The following NAALADL2 variants were observed in gnomAD, a reference collection of about 807,000 sequenced individuals.
NAALADL2 encodes N-acetylated alpha-linked acidic dipeptidase like 2.
Under a neutral mutation model 87.2 loss-of-function variants are expected in NAALADL2, and 76 were observed. That is an observed-to-expected ratio of 0.87 (90% CI 0.72 to 1.05). NAALADL2 has a LOEUF of 1.05. Among genes scored for constraint, NAALADL2 ranks in the 50% least tolerant of loss-of-function variants. The probability of loss-of-function intolerance (pLI) is 0.00; values close to 1 mark genes in which losing one functional copy is unlikely to be tolerated. For missense variants in NAALADL2, 1,089 were observed against 945.8 expected, an observed-to-expected ratio of 1.15 and a Z score of -1.99; for synonymous variants, 354 against 331.0, an observed-to-expected ratio of 1.07 and a Z score of -0.75.
intron 5 of NAALADL2, among the ~76,000 whole-genome samples, chr3:175,394,321 A>G (rs527566199): frequency 8.2e-4 from 125 of 152,344 alleles, no homozygotes; most frequent in African/African-American, 2.9e-3. Context: ...GGAGGACTAT[A>G]GTTAACAATG....
chr3:175,134,256 C>A (rs1173310745), intron 2 of NAALADL2, among the ~76,000 whole-genome samples: 1 of 152,244 alleles, frequency 6.6e-6, no homozygotes, highest in East Asian at 1.9e-4. Flanking sequence ...TGATTTTAGA[C>A]AAATTGCTTC....
intron 2 of NAALADL2, among the ~76,000 whole-genome samples, chr3:175,145,887 T>C (rs891579598): frequency 9.3e-5 from 14 of 151,300 alleles, no homozygotes; most frequent in African/African-American, 2.7e-4. Context: ...TTTTGACAAA[T>C]ATTAATAAAC....
intron 2 of NAALADL2, among the ~76,000 whole-genome samples, chr3:174,687,979 A>G (rs976725727): frequency 3.3e-5 from 5 of 152,212 alleles, no homozygotes; most frequent in African/African-American, 1.2e-4. Context: ...CAATCAGTTC[A>G]TTAAACCACT....
rs73172513 is a variant in NAALADL2 at position 174,447,314 on chromosome 3, G to C, written c.-184+6282G>C. Among the ~76,000 whole-genome samples the C allele has an allele frequency of 1.7e-3, 252 of 152,228 alleles. 1 individual carries two copies. The highest frequency in any genetic ancestry group is 2.9e-3 in the Non-Finnish European group (194 of 68,026). On this transcript the variant is annotated intron_variant, in intron 1 of 3. Transcript: ENST00000434257. ...TGAATGATTTGTAAATTAACACTTA[G>C]GAGCTGGAAAACAAGATGATGCTTC...
At chr3:175,638,784 C>A (rs932433662) in intron 11 of NAALADL2, among the ~76,000 whole-genome samples, 1 of 152,038 alleles carries the variant, frequency 6.6e-6, no homozygotes, top group African/African-American at 2.4e-5. Flanking sequence ...CAAGTATAAG[C>A]CTTTAGGGAT....
intron 11 of NAALADL2, among the ~76,000 whole-genome samples, chr3:175,655,914 A>G (rs1241990904): frequency 6.6e-6 from 1 of 152,184 alleles, no homozygotes; most frequent in Non-Finnish European, 1.5e-5. Flanking sequence ...CCCTTTGTGC[A>G]TCTTACATGG....
chr3:174,856,430 G>A (rs1425984476), upstream of NAALADL2, among the ~76,000 whole-genome samples: 3 of 152,114 alleles, frequency 2.0e-5, no homozygotes, highest in Admixed American at 2.0e-4. Context: ...ATCAATAAGT[G>A]TAAAATTGTG....
At chr3:175,751,179 C>A (rs886501144) in intron 12 of NAALADL2, among the ~76,000 whole-genome samples, 1 of 151,926 alleles carries the variant, frequency 6.6e-6, no homozygotes, top group African/African-American at 2.4e-5. Flanking sequence ...TAAAAGAATC[C>A]TTTTTAAAGT....
chr3:174,660,136 TTTATA>T (rs1308752517), intron 2 of NAALADL2, among the ~76,000 whole-genome samples: 1 of 152,204 alleles, frequency 6.6e-6, no homozygotes, highest in Non-Finnish European at 1.5e-5. Context: ...ATTTTCCAAT[TTTATA>T]TTCATAAATA....
intron 5 of NAALADL2, among the ~76,000 whole-genome samples, chr3:175,424,841 G>C (rs1174908635): frequency 6.6e-6 from 1 of 152,078 alleles, no homozygotes; most frequent in Non-Finnish European, 1.5e-5. Context: ...TATCTGGGTG[G>C]CATATAATAA....
rs1742415456 is a variant in NAALADL2 at position 175,722,797 on chromosome 3, G to C, written c.1897-14509G>C. 3.3e-5 allele frequency among the ~76,000 whole-genome samples: 5 copies of C among 152,196 alleles called. No individual in the cohort carries two copies. In the South Asian group the frequency reaches 8.3e-4, roughly 25 times the overall value. On this transcript the variant is annotated intron_variant, in intron 11 of 13. Transcript: ENST00000454872. Reference sequence around the variant, plus strand: ...AGGTCTGGCACATAGTAGATTTTCAGTTAATACTTGTTCCTTTCCTTTGCC... The same window carrying C: ...AGGTCTGGCACATAGTAGATTTTCACTTAATACTTGTTCCTTTCCTTTGCC...
intron 1 of NAALADL2, among the ~76,000 whole-genome samples, chr3:175,049,683 A>C (rs983701503): frequency 6.6e-6 from 1 of 152,182 alleles, no homozygotes; most frequent in Non-Finnish European, 1.5e-5. Flanking sequence ...TTAATAAAAA[A>C]GGGGATTGAT....
intron 2 of NAALADL2, among the ~76,000 whole-genome samples, chr3:174,719,428 A>G (rs185080568): frequency 6.6e-6 from 1 of 152,284 alleles, no homozygotes; most frequent in East Asian, 1.9e-4. Flanking sequence ...CTTGATTTCA[A>G]AAGAGGTATA....
chr3:174,564,922 TA>T (rs1414975278), intron 2 of NAALADL2, among the ~76,000 whole-genome samples: 1 of 152,076 alleles, frequency 6.6e-6, no homozygotes, highest in Non-Finnish European at 1.5e-5. Context: ...TTTTTGGTAT[TA>T]AAAATGTCAT....
At chr3:174,795,382 A>AT (rs536712077) in intron 3 of NAALADL2, among the ~76,000 whole-genome samples, 106 of 152,238 alleles carry the variant, frequency 7.0e-4, no homozygotes, top group Admixed American at 6.0e-3. Flanking sequence ...TTCCTGAAAT[A>AT]TTTTTATATG....
At chr3:174,856,254 C>T (rs111735193), upstream of NAALADL2, among the ~76,000 whole-genome samples, 1,060 of 152,166 alleles carry the variant, frequency 7.0e-3, 12 homozygotes, top group African/African-American at 0.024. Context: ...GATCCTTCTG[C>T]CTCAGCCTCC....
chr3:174,498,641 A>G (rs1578030303), intron 1 of NAALADL2, among the ~76,000 whole-genome samples: 1 of 150,620 alleles, frequency 6.6e-6, no homozygotes, highest in African/African-American at 2.4e-5. Flanking sequence ...TATATAATAT[A>G]TATGTTTATC....
In NAALADL2 at chr3:175,519,577, A is replaced by T. The variant is rs138744156; in HGVS notation, c.1653+47819A>T. 6.6e-5 allele frequency among the ~76,000 whole-genome samples: 10 copies of T among 152,366 alleles called. No homozygotes were observed. The East Asian group carries it at 1.5e-3, about 24-fold the overall frequency. On this transcript the variant is annotated intron_variant, in intron 9 of 13. Coordinates refer to ENST00000454872, the MANE Select transcript of NAALADL2 (RefSeq NM_207015.3). ...AAAACAATATATATTTATTGAGTTA[A>T]TAAATAGAAACATTATGGAGGTGTC...
chr3:174,620,440 G>GTTT (rs1366638785), intron 2 of NAALADL2, among the ~76,000 whole-genome samples: 1 of 66,526 alleles, frequency 1.5e-5, no homozygotes, highest in African/African-American at 3.8e-5. Flanking sequence ...TTTTTGTTTT[G>GTTT]TTTTGTTTTT....
Sources: allele counts gnomAD v4.1 joint callset (sites outside exome capture counted in the v4.1 genomes callset), GRCh38; gene constraint gnomAD v4.1.1; transcripts MANE v1.5; gene names NCBI Gene and HGNC (gene_info 2026-07-23, HGNC 2026-07-21).